The following SLC35F4 variants were observed in gnomAD, a reference collection of about 807,000 sequenced individuals.
The protein encoded by SLC35F4 is solute carrier family 35 member F4.
Under a neutral mutation model 44.2 loss-of-function variants are expected in SLC35F4, and 24 were observed. That is an observed-to-expected ratio of 0.54 (90% confidence interval 0.39 to 0.76). SLC35F4 has a LOEUF of 0.76. Ranked by LOEUF, SLC35F4 falls within the 30% of genes least tolerant of loss-of-function variation. SLC35F4 has a pLI of 0.00. For missense variants in SLC35F4, 562 were observed against 586.1 expected, an observed-to-expected ratio of 0.96 and a Z score of 0.42; for synonymous variants, 238 against 223.6, an observed-to-expected ratio of 1.06 and a Z score of -0.57.
chr14:57,822,509 G>A (rs1176957081), intron 1 of SLC35F4, among the ~76,000 whole-genome samples: 2 of 152,202 alleles, frequency 1.3e-5, no homozygotes, highest in Middle Eastern at 3.4e-3. Flanking sequence ...CTGGTTGTTA[G>A]CCATCTGACA....
intron 1 of SLC35F4, among the ~76,000 whole-genome samples, chr14:57,828,849 T>C (rs1382480352): frequency 1.3e-5 from 2 of 152,220 alleles, no homozygotes; most frequent in Non-Finnish European, 2.9e-5. Context: ...CAAGGGTATT[T>C]TGAAAATGGA....
At chr14:57,596,128 T>C (rs1390713299) in intron 1 of SLC35F4, 1 of 152,422 alleles carries the variant, frequency 6.6e-6, no homozygotes, top group Non-Finnish European at 1.5e-5. Context: ...GGTATGTCTG[T>C]ATAAAAATAT....
chr14:57,808,950 A>G (rs2140879573), intron 1 of SLC35F4, among the ~76,000 whole-genome samples: 1 of 152,338 alleles, frequency 6.6e-6, no homozygotes, highest in African/African-American at 2.4e-5. Context: ...TTCTAGGTCC[A>G]GAGCAGAAAT....
intron 1 of SLC35F4, chr14:57,799,285 T>C (rs1306533659): frequency 1.3e-5 from 2 of 152,286 alleles, no homozygotes; most frequent in East Asian, 3.9e-4. Flanking sequence ...CACAGATCTG[T>C]GCAACCCATG....
At chr14:57,731,697 T>C (rs2076348969) in intron 1 of SLC35F4, among the ~76,000 whole-genome samples, 1 of 152,252 alleles carries the variant, frequency 6.6e-6, no homozygotes. Context: ...TTTTATTTTA[T>C]ATTAAAGTCA....
At position 57,865,812 on chromosome 14, in the gene SLC35F4, G is replaced by T; in HGVS notation, c.14C>A (p.Ala5Glu). The change falls in exon 1 of 8, where the codon GCG (alanine) becomes GAG (glutamate). Residue 5 changes from alanine (A) to glutamate (E), a missense_variant. Physicochemically the swap from Ala to Glu is moderately radical, Grantham distance 107. Coordinates refer to ENST00000556826, the MANE Select transcript of SLC35F4 (RefSeq NM_001306087.2). MDVK[A>E]APNGVATIED... ...GATAGTGGCCACCCCGTTGGGGGCC[G>T]CCTTGACATCCATAGAGAGCGCGGG... 1 of 1,518,522 alleles carries T rather than the reference G, an allele frequency of 6.6e-7. No individual in the cohort carries two copies. The highest frequency in any genetic ancestry group is 8.8e-7 in the Non-Finnish European group (1 of 1,139,592). The allele number at this position is 1,518,522 out of a possible 1,614,324, so 94.1% of individuals were successfully genotyped here. A position where few individuals can be genotyped will look rare whatever the true frequency, so the allele number is the denominator to read the frequency against.
At chr14:57,961,342 G>T (rs1890336482) in intron 1 of SLC35F4, among the ~76,000 whole-genome samples, 1 of 152,166 alleles carries the variant, frequency 6.6e-6, no homozygotes, top group Non-Finnish European at 1.5e-5. Flanking sequence ...TTTTTGGCAG[G>T]CTGCATTGCA....
intron 1 of SLC35F4, among the ~76,000 whole-genome samples, chr14:57,692,603 G>C (rs190966808): frequency 6.6e-6 from 1 of 151,816 alleles, no homozygotes; most frequent in Admixed American, 6.6e-5. Context: ...ATTGTGGATG[G>C]CACTTAAATT....
intron 1 of SLC35F4, among the ~76,000 whole-genome samples, chr14:57,861,822 G>C (rs898312756): frequency 6.6e-6 from 1 of 152,040 alleles, no homozygotes; most frequent in Admixed American, 6.6e-5. Flanking sequence ...TCCTTTGATG[G>C]TTTTCTTCTT....
chr14:57,827,894 T>C (rs1883960339), intron 1 of SLC35F4, among the ~76,000 whole-genome samples: 1 of 152,078 alleles, frequency 6.6e-6, no homozygotes, highest in Non-Finnish European at 1.5e-5. Context: ...CCATAAAGCA[T>C]GAACCTCAGC....
At chr14:57,618,236 G>C (rs765240459) in intron 1 of SLC35F4, among the ~76,000 whole-genome samples, 3 of 152,202 alleles carry the variant, frequency 2.0e-5, no homozygotes, top group Non-Finnish European at 4.4e-5. Context: ...CATCGTGGCA[G>C]CTTACTGGCA....
At chr14:57,624,527 C>G (rs915146225) in intron 1 of SLC35F4, among the ~76,000 whole-genome samples, 3 of 152,126 alleles carry the variant, frequency 2.0e-5, no homozygotes, top group African/African-American at 7.2e-5. Flanking sequence ...GCCAATATTC[C>G]TGATGAACAT....
chr14:57,666,813 T>C (rs528855279), intron 1 of SLC35F4, among the ~76,000 whole-genome samples: 1 of 152,232 alleles, frequency 6.6e-6, no homozygotes, highest in South Asian at 2.1e-4. Flanking sequence ...TAGTAAGCAT[T>C]GTGGGGACCT....
intron 1 of SLC35F4, among the ~76,000 whole-genome samples, chr14:57,726,160 G>A (rs140586846): frequency 3.9e-5 from 6 of 152,262 alleles, no homozygotes; most frequent in African/African-American, 7.2e-5. Flanking sequence ...GAGTATGCAC[G>A]GAATTCAGGA....
chr14:57,633,250 G>A (rs1427312723), intron 1 of SLC35F4, among the ~76,000 whole-genome samples: 1 of 152,096 alleles, frequency 6.6e-6, no homozygotes. Context: ...TGAACACCAA[G>A]GAGTGAGATT....
At chr14:57,876,614 G>A (rs1038510518) in intron 1 of SLC35F4, among the ~76,000 whole-genome samples, 23 of 152,148 alleles carry the variant, frequency 1.5e-4, no homozygotes, top group African/African-American at 5.6e-4. Flanking sequence ...TCACTGTCGA[G>A]CTTAAGATTG....
chr14:57,599,262 G>A (rs2070673145), intron 1 of SLC35F4, among the ~76,000 whole-genome samples: 4 of 152,174 alleles, frequency 2.6e-5, no homozygotes, highest in Admixed American at 2.6e-4. Flanking sequence ...TAGAAAAGGT[G>A]GTCAAGGTAT....
chr14:57,632,052 T>G (rs2072801149), intron 1 of SLC35F4, among the ~76,000 whole-genome samples: 1 of 152,162 alleles, frequency 6.6e-6, no homozygotes, highest in Admixed American at 6.6e-5. Context: ...CTAGAACCTT[T>G]GTATATTTGA....
chr14:57,964,991 A>AATATATATATATATATAT (rs1212108605), intron 1 of SLC35F4, among the ~76,000 whole-genome samples: 23 of 115,670 alleles, frequency 2.0e-4, no homozygotes, highest in African/African-American at 7.0e-4. Flanking sequence ...AAAAAAAAAA[A>AATATATATATATATATAT]ATATATATAT....
Sources: gnomAD v4.1 joint callset for allele counts (sites outside exome capture counted in the v4.1 genomes callset) on GRCh38, gnomAD v4.1.1 for gene constraint, MANE v1.5 for transcripts, NCBI Gene and HGNC (gene_info 2026-07-23, HGNC 2026-07-21) for gene names.